The following GARRE1 variants were observed in gnomAD, a reference collection of about 807,000 sequenced individuals.
The protein encoded by GARRE1 is granule associated Rac and RHOG effector protein 1.
Under a neutral mutation model 103.2 loss-of-function variants are expected in GARRE1, and 49 were observed. That is an observed-to-expected ratio of 0.47 (90% CI 0.38 to 0.60). The LOEUF (loss-of-function observed/expected upper bound fraction) is 0.60. GARRE1 is among the 20% of genes least tolerant of loss of function. The pLI is 0.00. For synonymous variants in GARRE1, 505 were observed against 532.8 expected (o/e 0.95, Z 0.72); for missense variants, 1,199 against 1,370.5 (o/e 0.87, Z 1.98).
intron 2 of GARRE1, among the ~76,000 whole-genome samples, chr19:34,307,689 T>TTATATATATAC (rs2074014861): frequency 1.9e-5 from 1 of 51,818 alleles, no homozygotes; most frequent in African/African-American, 3.6e-5. Flanking sequence ...ACATATATAC[T>TTATATATATAC]TATATATACA....
At chr19:34,329,827 G>A (rs1568308056) in intron 6 of GARRE1, among the ~76,000 whole-genome samples, 1 of 150,884 alleles carries the variant, frequency 6.6e-6, no homozygotes, top group East Asian at 1.9e-4. Flanking sequence ...ACAGAGCAAG[G>A]CTCCATCTCA....
intron 1 of GARRE1, among the ~76,000 whole-genome samples, chr19:34,254,829 C>T (rs1345542163): frequency 1.3e-5 from 2 of 149,774 alleles, no homozygotes; most frequent in African/African-American, 4.9e-5. Context: ...GCTGGCCGGC[C>T]GACGGAAGCC....
intron 1 of GARRE1, among the ~76,000 whole-genome samples, chr19:34,255,509 G>A (rs1242841614): frequency 6.6e-6 from 1 of 152,156 alleles, no homozygotes; most frequent in Non-Finnish European, 1.5e-5. Flanking sequence ...CTACCATTCA[G>A]TGACAACCAC....
At chr19:34,350,154 G>A (rs1290021528) in intron 12 of GARRE1, among the ~76,000 whole-genome samples, 2 of 152,198 alleles carry the variant, frequency 1.3e-5, no homozygotes, top group Admixed American at 1.3e-4. Context: ...ACAGGTGGAT[G>A]TTCTATTTCC....
At position 34,351,562 on chromosome 19, in the gene GARRE1, TCTC is replaced by T; in HGVS notation, c.2878_2880del (p.Leu960del). ...ACACCAGCACGCTGCCCTCACCACC[TCTC>T]CTCACCACGGTGGAGGATGTGAACC... On this transcript the variant is annotated inframe_deletion, in exon 13 of 14. Coordinates refer to ENST00000299505, the MANE Select transcript of GARRE1 (RefSeq NM_014686.5). 6.2e-7 allele frequency: 1 copy of T among 1,613,766 alleles called. No individual in the cohort carries two copies. The highest frequency in any genetic ancestry group is 8.5e-7 in the Non-Finnish European group (1 of 1,179,770).
In GARRE1 at chr19:34,342,007, G is replaced by T. The variant is rs1242080919; in HGVS notation, c.2073G>T (p.Gln691His). Residue 691 changes from glutamine (Q) to histidine (H), a missense_variant, in exon 10 of 14, where the codon CAG becomes CAT. By Grantham distance (24) the Gln-to-His change is conservative. Coordinates refer to ENST00000299505, the MANE Select transcript of GARRE1 (RefSeq NM_014686.5). Reference sequence around the variant, plus strand: ...AGGCAGGAGCCATGCAACCACAGCAGCCGTCACTGCCTGTGCCCCCTCCAC... The same window carrying T: ...AGGCAGGAGCCATGCAACCACAGCATCCGTCACTGCCTGTGCCCCCTCCAC... ...EQKAGAMQPQ[Q>H]PSLPVPPPPR... 1 of 1,614,110 alleles carries T rather than the reference G, an allele frequency of 6.2e-7. No homozygotes were observed. Among genetic ancestry groups the T allele is most frequent in the South Asian group, 1.1e-5 (1 of 91,080 alleles).
chr19:34,257,626 G>GC (rs1361861600), intron 1 of GARRE1, among the ~76,000 whole-genome samples: 2 of 152,166 alleles, frequency 1.3e-5, no homozygotes, highest in Non-Finnish European at 1.5e-5. Flanking sequence ...AAAGCAGGTT[G>GC]CCGTTTTCTC....
Position 34,270,337 on chromosome 19 carries a change from G to A in GARRE1, c.-796+15723G>A, listed in dbSNP as rs2073779411. Among the ~76,000 whole-genome samples, 4 of 152,250 alleles carry A rather than the reference G, an allele frequency of 2.6e-5. No individual in the cohort carries two copies. The South Asian group carries it at 8.3e-4, about 31-fold the overall frequency. ...GAGGTGACATCATGTCCTCAGCCTT[G>A]TGGGTGGAGACAGGGGTTGCTGTTT... On this transcript the variant is annotated intron_variant, in intron 1 of 13. Transcript: ENST00000299505.
At chr19:34,348,437 T>C (rs2074222589) in intron 11 of GARRE1, 2 of 165,702 alleles carry the variant, frequency 1.2e-5, no homozygotes, top group East Asian at 3.4e-4. Flanking sequence ...AAAGCAAAAG[T>C]GTACAATTGA....
rs958812227 is a variant in GARRE1, at chr19:34,353,763, C to G, written c.*808C>G. 2 of 152,286 alleles carry G rather than the reference C, an allele frequency of 1.3e-5. No individual in the cohort carries two copies. Among genetic ancestry groups the G allele is most frequent in the Non-Finnish European group, 2.9e-5 (2 of 68,060 alleles). 9.4% of individuals were successfully genotyped at this position (152,286 alleles called of 1,614,324 possible). A position where few individuals can be genotyped will look rare whatever the true frequency, so the allele number is the denominator to read the frequency against. ...GCAGAGCAAGGCTGCACCTGCTGCC[C>G]TTCGATCCTTCCACACATGGCCAGG... is the stretch of plus-strand genomic sequence containing the variant. On this transcript the variant is annotated 3_prime_UTR_variant, in exon 14 of 14. Coordinates refer to ENST00000299505, the MANE Select transcript of GARRE1 (RefSeq NM_014686.5).
chr19:34,273,556 A>G (rs1431967890), intron 1 of GARRE1, among the ~76,000 whole-genome samples: 1 of 152,226 alleles, frequency 6.6e-6, no homozygotes, highest in Non-Finnish European at 1.5e-5. Context: ...TGTTTACATC[A>G]TGCTTAGCAC....
intron 1 of GARRE1, among the ~76,000 whole-genome samples, chr19:34,264,414 G>T (rs1053992696): frequency 1.0e-4 from 15 of 150,646 alleles, no homozygotes; most frequent in South Asian, 4.2e-4. Context: ...TTTTTTGGAG[G>T]GGGGGACGGA....
At chr19:34,276,527 A>G (rs1244628624) in intron 1 of GARRE1, among the ~76,000 whole-genome samples, 2 of 152,208 alleles carry the variant, frequency 1.3e-5, no homozygotes, top group African/African-American at 2.4e-5. Flanking sequence ...TGTAAAAGTT[A>G]AAGGACAGGC....
chr19:34,343,659 C>G (rs906896257), intron 10 of GARRE1, among the ~76,000 whole-genome samples: 1 of 152,002 alleles, frequency 6.6e-6, no homozygotes, highest in Non-Finnish European at 1.5e-5. Flanking sequence ...CCAGTTTGGC[C>G]AACATAGTGA....
In GARRE1 at chr19:34,353,329, A is replaced by C; in HGVS notation, c.*374A>C. ...TGTGTTGGGAAGACATCAGGCCTGA[A>C]AGCTGAGGGCATAACTGACCATTTT... On this transcript the variant is annotated 3_prime_UTR_variant, in exon 14 of 14. Coordinates refer to ENST00000299505, the MANE Select transcript of GARRE1 (RefSeq NM_014686.5). 3.9e-6 allele frequency: 1 copy of C among 255,206 alleles called. No individual in the cohort carries two copies. 15.8% of individuals were successfully genotyped at this position (255,206 alleles called of 1,614,324 possible). A position where few individuals can be genotyped will look rare whatever the true frequency, so the allele number is the denominator to read the frequency against.
At chr19:34,280,186 C>G (rs1007190129) in intron 1 of GARRE1, among the ~76,000 whole-genome samples, 4 of 152,072 alleles carry the variant, frequency 2.6e-5, no homozygotes, top group African/African-American at 9.7e-5. Flanking sequence ...TGAGAACCCA[C>G]TCACTATTGA....
chr19:34,353,073 A>C lies in GARRE1; in HGVS notation c.*118A>C. The C allele has an allele frequency of 1.0e-6, 1 of 969,622 alleles. No individual in the cohort carries two copies. The highest frequency in any genetic ancestry group is 1.5e-6 in the Non-Finnish European group (1 of 672,964). The allele number at this position is 969,622 out of a possible 1,614,324, so 60.1% of individuals were successfully genotyped here. ...GCCCCTCAGAGGACCAGTGCGCCCCATCCCAGGGAGGGTTCCTTGGGGACA... is the reference window on the plus strand; with the variant it reads ...GCCCCTCAGAGGACCAGTGCGCCCCCTCCCAGGGAGGGTTCCTTGGGGACA... On this transcript the variant is annotated 3_prime_UTR_variant, in exon 14 of 14. Transcript: ENST00000299505.
intron 6 of GARRE1, among the ~76,000 whole-genome samples, chr19:34,328,805 A>G (rs981954126): frequency 6.6e-6 from 1 of 151,986 alleles, no homozygotes; most frequent in Admixed American, 6.5e-5. Context: ...ACGGGGTTTT[A>G]CTGTGTTGGC....
rs1483060001 is a variant in GARRE1, at chr19:34,353,926, A to G, written c.*971A>G. The G allele has an allele frequency of 6.6e-6, 1 of 151,916 alleles. No individual in the cohort carries two copies. Among genetic ancestry groups the G allele is most frequent in the Non-Finnish European group, 1.5e-5 (1 of 67,810 alleles). The allele number at this position is 151,916 out of a possible 1,614,324, so 9.4% of individuals were successfully genotyped here. On this transcript the variant is annotated 3_prime_UTR_variant, in exon 14 of 14. Transcript: ENST00000299505. The stretch of plus-strand genomic sequence containing the variant: ...GAAATTAATTTAAGGTCTTTTCTTA[A>G]AAAAAAAATCCACCTCATTTTCAGT...
Sources: gnomAD v4.1 joint callset for allele counts (sites outside exome capture counted in the v4.1 genomes callset) on GRCh38, gnomAD v4.1.1 for gene constraint, MANE v1.5 for transcripts, NCBI Gene and HGNC (gene_info 2026-07-23, HGNC 2026-07-21) for gene names.